LHFPL3: variants seen among roughly 807,000 people sequenced by gnomAD.
LHFPL3 encodes the protein LHFPL tetraspan subfamily member 3 protein.
Under a neutral mutation model 19.3 loss-of-function variants are expected in LHFPL3, and 5 were observed. That is an observed-to-expected ratio of 0.26 (90% confidence interval 0.14 to 0.54). The LOEUF (loss-of-function observed/expected upper bound fraction) is 0.54. Among genes scored for constraint, LHFPL3 ranks in the 20% least tolerant of loss-of-function variants. LHFPL3 has a pLI of 0.94. For missense variants in LHFPL3, 249 were observed against 307.4 expected (o/e 0.81, Z 1.42); for synonymous variants, 133 against 126.2 (o/e 1.05, Z -0.36).
intron 1 of LHFPL3, among the ~76,000 whole-genome samples, chr7:104,436,572 A>G (rs1039688967): frequency 6.6e-6 from 1 of 152,200 alleles, no homozygotes; most frequent in African/African-American, 2.4e-5. Context: ...TTACTTTGTG[A>G]TATAGCAATC....
intron 1 of LHFPL3, among the ~76,000 whole-genome samples, chr7:104,440,429 G>A (rs1274983202): frequency 6.6e-6 from 1 of 151,152 alleles, no homozygotes; most frequent in South Asian, 2.1e-4. Context: ...TGGGGGGAGT[G>A]GGGAGGGATA....
At chr7:104,741,720 G>A (rs1793940883) in intron 2 of LHFPL3, among the ~76,000 whole-genome samples, 1 of 151,928 alleles carries the variant, frequency 6.6e-6, no homozygotes, top group Admixed American at 6.6e-5. Flanking sequence ...TGTATTGGCG[G>A]CGGGGGTTGT....
chr7:104,686,231 T>C (rs2116111985), intron 1 of LHFPL3, among the ~76,000 whole-genome samples: 1 of 152,136 alleles, frequency 6.6e-6, no homozygotes. Context: ...TCCAGCCCCA[T>C]CACCAGCTAA....
At chr7:104,858,617 T>A (rs1791554830) in intron 2 of LHFPL3, among the ~76,000 whole-genome samples, 1 of 152,182 alleles carries the variant, frequency 6.6e-6, no homozygotes, top group South Asian at 2.1e-4. Flanking sequence ...CAACAGCCCC[T>A]GCTGGGATAA....
At chr7:104,716,900 T>A (rs1793398299) in intron 1 of LHFPL3, among the ~76,000 whole-genome samples, 1 of 152,142 alleles carries the variant, frequency 6.6e-6, no homozygotes, top group African/African-American at 2.4e-5. Context: ...ACTGGAGACA[T>A]CATACTTCCT....
At chr7:104,617,805 T>C (rs1477930909) in intron 1 of LHFPL3, among the ~76,000 whole-genome samples, 1 of 152,210 alleles carries the variant, frequency 6.6e-6, no homozygotes, top group African/African-American at 2.4e-5. Context: ...TTGTTGAAGA[T>C]AAAAGCTGAG....
At chr7:104,807,253 A>G (rs544952664) in intron 2 of LHFPL3, among the ~76,000 whole-genome samples, 1 of 152,208 alleles carries the variant, frequency 6.6e-6, no homozygotes, top group African/African-American at 2.4e-5. Context: ...AAGGCAGAGA[A>G]GAGGTTGGGG....
chr7:104,658,078 C>G (rs1169642292), intron 1 of LHFPL3, among the ~76,000 whole-genome samples: 1 of 152,204 alleles, frequency 6.6e-6, no homozygotes, highest in Admixed American at 6.5e-5. Context: ...TACATAATTT[C>G]AAGTAAAATT....
At chr7:104,811,121 T>C (rs1790456934) in intron 2 of LHFPL3, among the ~76,000 whole-genome samples, 1 of 147,476 alleles carries the variant, frequency 6.8e-6, no homozygotes, top group Non-Finnish European at 1.5e-5. Flanking sequence ...TTCTCTCTCT[T>C]TCTCTCTCTC....
chr7:104,764,522 T>C (rs566216300), intron 2 of LHFPL3, among the ~76,000 whole-genome samples: 19 of 152,338 alleles, frequency 1.2e-4, no homozygotes, highest in African/African-American at 4.6e-4. Flanking sequence ...GAGAGTCTGA[T>C]TGGCATAGCT....
chr7:104,895,118 C>G (rs1405325043), intron 2 of LHFPL3: 2 of 152,216 alleles, frequency 1.3e-5, no homozygotes, highest in African/African-American at 4.8e-5. Context: ...ATAGGATTTT[C>G]TTCTCCTAGT....
At chr7:104,756,922 T>C (rs1413927017) in intron 2 of LHFPL3, among the ~76,000 whole-genome samples, 2 of 152,238 alleles carry the variant, frequency 1.3e-5, no homozygotes, top group African/African-American at 2.4e-5. Flanking sequence ...CTTTCACTGA[T>C]GCTAAAATTA....
At chr7:104,738,310 A>G (rs1793868297) in intron 2 of LHFPL3, among the ~76,000 whole-genome samples, 1 of 152,138 alleles carries the variant, frequency 6.6e-6, no homozygotes, top group African/African-American at 2.4e-5. Context: ...TTAGTGTGGT[A>G]CCTTTGTTGT....
At chr7:104,689,846 C>G (rs1284343678) in intron 1 of LHFPL3, among the ~76,000 whole-genome samples, 2 of 152,064 alleles carry the variant, frequency 1.3e-5, no homozygotes, top group African/African-American at 2.4e-5. Flanking sequence ...TCCATTTGGT[C>G]CCCGGACTCA....
chr7:104,672,423 G>A (rs560446457), intron 1 of LHFPL3, among the ~76,000 whole-genome samples: 15 of 152,132 alleles, frequency 9.9e-5, no homozygotes, highest in Middle Eastern at 6.8e-3. Flanking sequence ...TCAGTTCCTC[G>A]CACAGTGAAT....
At chr7:104,339,543 AC>A (rs1789906103) in intron 1 of LHFPL3, among the ~76,000 whole-genome samples, 1 of 152,208 alleles carries the variant, frequency 6.6e-6, no homozygotes, top group African/African-American at 2.4e-5. Flanking sequence ...ATTGAGATCA[AC>A]ACGCATCTGA....
intron 2 of LHFPL3, among the ~76,000 whole-genome samples, chr7:104,890,004 A>T (rs1007973876): frequency 2.0e-5 from 3 of 152,080 alleles, no homozygotes; most frequent in African/African-American, 7.2e-5. Flanking sequence ...GCTTCTTAGG[A>T]TAAGGAAACA....
intron 1 of LHFPL3, among the ~76,000 whole-genome samples, chr7:104,713,676 T>C (rs1475489332): frequency 6.6e-6 from 1 of 152,184 alleles, no homozygotes; most frequent in Non-Finnish European, 1.5e-5. Flanking sequence ...ACTAGCAGAC[T>C]TTACCAGTAA....
chr7:104,759,472 T>A (rs1794339057), intron 2 of LHFPL3, among the ~76,000 whole-genome samples: 1 of 152,166 alleles, frequency 6.6e-6, no homozygotes, highest in Admixed American at 6.6e-5. Flanking sequence ...ATAAATTAAA[T>A]TTTTTTCATG....
Sources: gnomAD v4.1 joint callset for allele counts (sites outside exome capture counted in the v4.1 genomes callset) on GRCh38, gnomAD v4.1.1 for gene constraint, MANE v1.5 for transcripts, NCBI Gene and HGNC (gene_info 2026-07-23, HGNC 2026-07-21) for gene names.